ANKRD55: variants seen among roughly 807,000 people sequenced by gnomAD.
The protein encoded by ANKRD55 is ankyrin repeat domain 55.
ANKRD55 carries 41 observed loss-of-function variants against 60.6 expected under a neutral mutation model. The ratio of observed to expected loss-of-function variants is 0.68; its 90% CI spans 0.53 to 0.88. The LOEUF (loss-of-function observed/expected upper bound fraction) is 0.88, where lower values mean the gene tolerates loss of function less well. Ranked by LOEUF, ANKRD55 falls within the 40% of genes least tolerant of loss-of-function variation. The pLI, the probability that ANKRD55 is intolerant of heterozygous loss-of-function variation, is 0.00. For missense variants in ANKRD55, 732 were observed against 767.6 expected (o/e 0.95, Z 0.55); for synonymous variants, 264 against 290.3 (o/e 0.91, Z 0.92).
chr5:56,161,027 A>AT (rs1758315599), intron 5 of ANKRD55: 1 of 152,236 alleles, frequency 6.6e-6, no homozygotes, highest in Non-Finnish European at 1.5e-5. Flanking sequence ...CAGTGTGAGG[A>AT]TTAAATGAGT....
At chr5:56,156,525 GT>G (rs1214871588) in intron 6 of ANKRD55, among the ~76,000 whole-genome samples, 6 of 152,200 alleles carry the variant, frequency 3.9e-5, no homozygotes, top group Non-Finnish European at 8.8e-5. Context: ...GGGTGCTGGA[GT>G]TGTAGGTCTA....
chr5:56,162,831 G>T (rs577700479), intron 5 of ANKRD55, among the ~76,000 whole-genome samples: 5 of 151,950 alleles, frequency 3.3e-5, no homozygotes, highest in Admixed American at 2.6e-4. Context: ...GCACCATCAC[G>T]CCCAACTAAT....
chr5:56,196,856 G>A (rs1255705731), intron 2 of ANKRD55, among the ~76,000 whole-genome samples: 1 of 152,122 alleles, frequency 6.6e-6, no homozygotes, highest in African/African-American at 2.4e-5. Context: ...AAATACCCTA[G>A]GACAGTGATT....
At chr5:56,226,980 A>T (rs1408134549) in intron 2 of ANKRD55, among the ~76,000 whole-genome samples, 1 of 152,208 alleles carries the variant, frequency 6.6e-6, no homozygotes, top group East Asian at 1.9e-4. Context: ...CAGCCATCCC[A>T]TTACTGGGTA....
intron 5 of ANKRD55, 123 bp downstream of exon 5, chr5:56,170,570 CA>C (rs3047043): frequency 0.13 from 74,012 of 577,404 alleles, 19 homozygotes; most frequent in South Asian, 0.15. Context: ...GCTGCAACTT[CA>C]AAAAAAAAAA....
At chr5:56,202,609 A>G (rs1398884777) in intron 2 of ANKRD55, among the ~76,000 whole-genome samples, 1 of 152,246 alleles carries the variant, frequency 6.6e-6, no homozygotes, top group East Asian at 1.9e-4. Context: ...CACATGTACC[A>G]GTTGAGGGAA....
At chr5:56,139,092 G>A (rs1757686705) in intron 7 of ANKRD55, among the ~76,000 whole-genome samples, 1 of 144,456 alleles carries the variant, frequency 6.9e-6, no homozygotes, top group East Asian at 2.2e-4. Flanking sequence ...GGGCGGGGGG[G>A]CAGAAGATAT....
intron 5 of ANKRD55, among the ~76,000 whole-genome samples, chr5:56,163,300 C>A (rs1159474985): frequency 6.6e-6 from 1 of 152,122 alleles, no homozygotes; most frequent in Non-Finnish European, 1.5e-5. Flanking sequence ...TGTCTCATTG[C>A]CAGCCTGGGA....
chr5:56,221,678 A>G (rs1365127700), intron 2 of ANKRD55, among the ~76,000 whole-genome samples: 1 of 152,214 alleles, frequency 6.6e-6, no homozygotes, highest in East Asian at 1.9e-4. Context: ...ATCTTAGCAA[A>G]TGGCACACCA....
chr5:56,129,812 A>G (rs1757363339), intron 7 of ANKRD55, among the ~76,000 whole-genome samples: 2 of 152,168 alleles, frequency 1.3e-5, no homozygotes, highest in Admixed American at 1.3e-4. Flanking sequence ...GATGGTGACC[A>G]TATAAAGCAG....
chr5:56,211,103 G>C (rs1759661634), intron 2 of ANKRD55, among the ~76,000 whole-genome samples: 1 of 152,148 alleles, frequency 6.6e-6, no homozygotes, highest in Non-Finnish European at 1.5e-5. Context: ...TCTTGTGGTA[G>C]GTCCCCAGTC....
At chr5:56,161,751 T>C (rs1758336752) in intron 5 of ANKRD55, among the ~76,000 whole-genome samples, 1 of 152,156 alleles carries the variant, frequency 6.6e-6, no homozygotes, top group South Asian at 2.1e-4. Flanking sequence ...GTGTAAAGGA[T>C]TGAGTGATCC....
intron 10 of ANKRD55, 139 bp from the exon 11 acceptor site, chr5:56,102,725 A>G (rs1221632141): frequency 1.7e-6 from 1 of 593,316 alleles, no homozygotes; most frequent in Admixed American, 2.9e-5. Flanking sequence ...AAACAATGAT[A>G]GCTACACTTT....
intron 7 of ANKRD55, chr5:56,137,210 G>A: frequency 6.2e-7 from 1 of 1,610,200 alleles, no homozygotes; most frequent in Non-Finnish European, 8.5e-7. Context: ...AGTGGGGCTG[G>A]ACACAAGGTC....
At chr5:56,175,095 G>A (rs1241107725) in intron 4 of ANKRD55, among the ~76,000 whole-genome samples, 1 of 152,240 alleles carries the variant, frequency 6.6e-6, no homozygotes, top group African/African-American at 2.4e-5. Flanking sequence ...TTTCTTCCCA[G>A]ATTTGCATGT....
At chr5:56,120,273 G>A (rs1306448734) in intron 8 of ANKRD55, among the ~76,000 whole-genome samples, 7 of 152,126 alleles carry the variant, frequency 4.6e-5, no homozygotes, top group African/African-American at 9.6e-5. Context: ...CTGATCCGCC[G>A]TCCTCGGCCT....
intron 2 of ANKRD55, among the ~76,000 whole-genome samples, chr5:56,196,128 T>G (rs1759222514): frequency 6.6e-6 from 1 of 152,206 alleles, no homozygotes. Flanking sequence ...ACTGTTTTTG[T>G]AACCTTGAGC....
chr5:56,231,934 C>T (rs994129396), intron 2 of ANKRD55, among the ~76,000 whole-genome samples: 1 of 152,096 alleles, frequency 6.6e-6, no homozygotes, highest in Admixed American at 6.6e-5. Flanking sequence ...GAGGCTTTTT[C>T]AAACCACCAT....
At chr5:56,197,993 C>T (rs1021547388) in intron 2 of ANKRD55, among the ~76,000 whole-genome samples, 7 of 152,136 alleles carry the variant, frequency 4.6e-5, no homozygotes, top group African/African-American at 1.7e-4. Flanking sequence ...CATTTGTTTT[C>T]AGTTCATTAG....
Sources: allele counts gnomAD v4.1 joint callset (sites outside exome capture counted in the v4.1 genomes callset), GRCh38; gene constraint gnomAD v4.1.1; transcripts MANE v1.5; gene names NCBI Gene and HGNC (gene_info 2026-07-23, HGNC 2026-07-21).